The following SHQ1 variants were observed in gnomAD, a reference collection of about 807,000 sequenced individuals.
SHQ1 encodes SHQ1, H/ACA ribonucleoprotein assembly factor, also known as protein SHQ1 homolog.
Under a neutral mutation model 53.8 loss-of-function variants are expected in SHQ1, and 49 were observed. The observed-to-expected ratio is 0.91, with a 90% confidence interval of 0.72 to 1.16. The LOEUF is 1.16. SHQ1 is among the 50% of genes most tolerant of loss of function. SHQ1 has a pLI of 0.00. For missense variants in SHQ1, 738 were observed against 683.1 expected, an observed-to-expected ratio of 1.08 and a Z score of -0.90; for synonymous variants, 243 against 251.0, an observed-to-expected ratio of 0.97 and a Z score of 0.30.
At chr3:72,797,811 C>T (rs1706673189) in intron 9 of SHQ1, among the ~76,000 whole-genome samples, 1 of 152,194 alleles carries the variant, frequency 6.6e-6, no homozygotes, top group African/African-American at 2.4e-5. Context: ...TGAGGTCGTA[C>T]TTGATCTCTT....
At chr3:72,732,383 TG>T in the SHQ1 span, among the ~76,000 whole-genome samples, 689 of 131,762 alleles carry the variant, frequency 5.2e-3, 5 homozygotes, top group African/African-American at 0.018. Context: ...CCTGCCTGCC[TG>T]CCTGCCTTCC....
At chr3:72,836,275 G>A (rs1672383264) in intron 4 of SHQ1, among the ~76,000 whole-genome samples, 1 of 152,194 alleles carries the variant, frequency 6.6e-6, no homozygotes, top group African/African-American at 2.4e-5. Flanking sequence ...AGATCACCAG[G>A]TCAGGAGATA....
the SHQ1 span, among the ~76,000 whole-genome samples, chr3:72,742,046 C>T: frequency 6.6e-6 from 1 of 151,820 alleles, no homozygotes; most frequent in Admixed American, 6.6e-5. Context: ...TACCGAGGGA[C>T]GACTGTATTG....
intron 6 of SHQ1, among the ~76,000 whole-genome samples, chr3:72,820,997 C>T (rs1018831222): frequency 9.9e-5 from 15 of 152,276 alleles, no homozygotes; most frequent in African/African-American, 3.4e-4. Flanking sequence ...CTCTAAATCC[C>T]CCTCCCAAAC....
chr3:72,732,007 G>A, the SHQ1 span, among the ~76,000 whole-genome samples: 1 of 151,638 alleles, frequency 6.6e-6, no homozygotes, highest in Non-Finnish European at 1.5e-5. Context: ...CCTCTCCAGA[G>A]CAAGAGGTAG....
At chr3:72,731,522 C>T in the SHQ1 span, among the ~76,000 whole-genome samples, 8 of 150,400 alleles carry the variant, frequency 5.3e-5, no homozygotes, top group South Asian at 4.2e-4. Flanking sequence ...CCCATCTATA[C>T]TAAAATTACA....
intron 10 of SHQ1, among the ~76,000 whole-genome samples, chr3:72,769,086 C>A (rs1315627945): frequency 6.6e-6 from 1 of 152,164 alleles, no homozygotes; most frequent in Non-Finnish European, 1.5e-5. Context: ...ATACATTAGG[C>A]CAAGGCCACA....
intron 4 of SHQ1, among the ~76,000 whole-genome samples, chr3:72,840,438 C>T (rs1708143838): frequency 6.6e-6 from 1 of 151,752 alleles, no homozygotes; most frequent in African/African-American, 2.4e-5. Context: ...CACCTGTAAT[C>T]CCAGCTACTC....
chr3:72,807,848 G>A (rs528768563), intron 9 of SHQ1, among the ~76,000 whole-genome samples: 118 of 152,182 alleles, frequency 7.8e-4, no homozygotes, highest in African/African-American at 2.7e-3. Flanking sequence ...CTGAAAATTT[G>A]TTTATTGAGC....
In SHQ1 at chr3:72,832,474, A is replaced by ATCCTGAGTGAT; in HGVS notation, c.493_494insATCACTCAGGA (p.Leu165HisfsTer5). The ATCCTGAGTGAT allele has an allele frequency of 6.2e-7, 1 of 1,606,112 alleles. No individual in the cohort carries two copies. The highest frequency in any genetic ancestry group is 8.5e-7 in the Non-Finnish European group (1 of 1,176,284). On this transcript the variant is annotated frameshift_variant, in exon 5 of 11. Transcript: ENST00000325599. LOFTEE classifies it high-confidence loss of function. ...ATCCTTAATATCAATAACATCACTC[A>ATCCTGAGTGAT]GTTCATCCTGAGGACACCCAGAAAA...
At chr3:72,772,625 T>C (rs1183561303) in intron 10 of SHQ1, 4 of 704,240 alleles carry the variant, frequency 5.7e-6, no homozygotes, top group Admixed American at 2.0e-5. Flanking sequence ...GCATATATTA[T>C]TGTACAAAAG....
chr3:72,783,666 A>G (rs1353921703), intron 10 of SHQ1, among the ~76,000 whole-genome samples: 1 of 152,220 alleles, frequency 6.6e-6, no homozygotes, highest in Non-Finnish European at 1.5e-5. Flanking sequence ...TCCATGGTAC[A>G]TATGTAAGTA....
intron 10 of SHQ1, among the ~76,000 whole-genome samples, chr3:72,751,727 T>A (rs1705387477): frequency 7.1e-6 from 1 of 140,748 alleles, no homozygotes. Context: ...ATGTCAGATA[T>A]ATTTTTTATT....
chr3:72,750,724 C>A lies in SHQ1; in HGVS notation c.1294G>T (p.Glu432Ter). 6 of 1,562,288 alleles carry A rather than the reference C, an allele frequency of 3.8e-6. No homozygotes were observed. The highest frequency in any genetic ancestry group is 5.2e-6 in the Non-Finnish European group (6 of 1,152,340). Residue 432 changes from glutamate (E) to a stop codon, truncating the protein, a stop_gained, in exon 11 of 11, where the codon GAA becomes TAA. Transcript: ENST00000325599. LOFTEE classifies it low-confidence loss of function (END_TRUNC). ...LEAAALLVQE[E>*]ETALKAAHSV... ...TGGGCTGCTTTTAATGCAGTTTCTT[C>A]CTCCTGGACAAGCAGTGCTGCTGCT...
At chr3:72,728,329 G>A in the SHQ1 span, among the ~76,000 whole-genome samples, 12 of 152,136 alleles carry the variant, frequency 7.9e-5, no homozygotes, top group Admixed American at 5.2e-4. Context: ...TCAGTCTGAC[G>A]AATTCCCACA....
the SHQ1 span, among the ~76,000 whole-genome samples, chr3:72,740,492 C>T: frequency 6.6e-6 from 1 of 152,338 alleles, no homozygotes; most frequent in African/African-American, 2.4e-5. Context: ...ATCCATTCTA[C>T]TGCTGGACTT....
chr3:72,828,033 C>T lies in SHQ1; in HGVS notation c.600-3482G>A, dbSNP rs924388845. On this transcript the variant is annotated intron_variant, in intron 5 of 10. Transcript: ENST00000325599. ...CCTCCCAAAGTGCTGGGATTACAGG[C>T]GTGAGCCACCATGCCCCGCCTTTTT... 3.9e-5 allele frequency among the ~76,000 whole-genome samples: 6 copies of T among 152,212 alleles called. No homozygotes were observed. In the East Asian group the frequency reaches 1.2e-3, roughly 29 times the overall value.
intron 7 of SHQ1, among the ~76,000 whole-genome samples, chr3:72,815,852 T>G (rs1266885893): frequency 6.6e-6 from 1 of 152,212 alleles, no homozygotes; most frequent in Admixed American, 6.5e-5. Context: ...CTGGTGAGAA[T>G]AAGTAAATGC....
At chr3:72,840,242 TAA>T (rs71623990) in intron 4 of SHQ1, among the ~76,000 whole-genome samples, 25,951 of 92,916 alleles carry the variant, frequency 0.28, 3,142 homozygotes, top group African/African-American at 0.41. Flanking sequence ...GACTCTGTCT[TAA>T]AAAAAAAAAA....
Sources: allele counts gnomAD v4.1 joint callset (sites outside exome capture counted in the v4.1 genomes callset), GRCh38; gene constraint gnomAD v4.1.1; transcripts MANE v1.5; gene names NCBI Gene and HGNC (gene_info 2026-07-23, HGNC 2026-07-21).